DDA1: variants seen among roughly 807,000 people sequenced by gnomAD.
DDA1 encodes DET1 and DDB1 associated 1.
Under a neutral mutation model 18.6 loss-of-function variants are expected in DDA1, and 3 were observed. The ratio of observed to expected loss-of-function variants is 0.16; its 90% confidence interval spans 0.07 to 0.42. DDA1 has a LOEUF of 0.42. Among genes scored for constraint, DDA1 ranks in the 10% least tolerant of loss-of-function variants. DDA1 has a pLI of 0.99. For missense variants in DDA1, 105 were observed against 138.2 expected, an observed-to-expected ratio of 0.76 and a Z score of 1.20; for synonymous variants, 52 against 54.0, an observed-to-expected ratio of 0.96 and a Z score of 0.17.
chr19:17,313,875 A>C, intron 1 of DDA1, 148 bp from the exon 2 acceptor site: 1 of 656,104 alleles, frequency 1.5e-6, no homozygotes, highest in East Asian at 2.7e-5. Context: ...CCGACAGTGT[A>C]TCCAGCAGCC....
intron 1 of DDA1, among the ~76,000 whole-genome samples, chr19:17,310,766 A>T (rs2074175283): frequency 6.7e-6 from 1 of 149,048 alleles, no homozygotes; most frequent in South Asian, 2.2e-4. Flanking sequence ...TCTCATCCCT[A>T]CAGCCAATCA....
At chr19:17,315,733 G>A in intron 3 of DDA1, 1 of 652,502 alleles carries the variant, frequency 1.5e-6, no homozygotes, top group South Asian at 1.8e-5. Context: ...TCCCTTGCAG[G>A]GAGCCGGGAC....
At chr19:17,311,995 G>T (rs1423076528) in intron 1 of DDA1, among the ~76,000 whole-genome samples, 1 of 152,126 alleles carries the variant, frequency 6.6e-6, no homozygotes, top group Non-Finnish European at 1.5e-5. Flanking sequence ...TTTGTCCAAC[G>T]CAGACATGTT....
At chr19:17,312,370 G>A (rs1419466404) in intron 1 of DDA1, among the ~76,000 whole-genome samples, 3 of 152,084 alleles carry the variant, frequency 2.0e-5, no homozygotes, top group Admixed American at 6.6e-5. Context: ...AGAGGCTCCC[G>A]AAGTGTCGGG....
Position 17,319,571 on chromosome 19 carries a change from A to T in DDA1, c.224A>T (p.Glu75Val). ...AACGCTGCCAAGAAGAGAGACCAGG[A>T]GCAAGTGGAGCTGGAAGGCGAGAGC... Reference protein sequence around the residue: ...KKNAAKKRDQEQVELEGESSA... With the variant: ...KKNAAKKRDQVQVELEGESSA... The change falls in exon 5 of 5, where the codon GAG becomes GTG. Residue 75 changes from glutamate to valine, a missense_variant. Glu to Val is a moderately radical substitution (Grantham distance 121, BLOSUM62 -2). Coordinates refer to ENST00000359866, the MANE Select transcript of DDA1 (RefSeq NM_024050.6). 6.4e-7 allele frequency: 1 copy of T among 1,574,366 alleles called. No individual in the cohort carries two copies. The highest frequency in any genetic ancestry group is 8.6e-7 in the Non-Finnish European group (1 of 1,159,878).
intron 1 of DDA1, among the ~76,000 whole-genome samples, chr19:17,310,458 C>T (rs2074174047): frequency 6.6e-6 from 1 of 152,148 alleles, no homozygotes; most frequent in South Asian, 2.1e-4. Context: ...GGTGGTTCTT[C>T]GGGGTTCAGT....
intron 1 of DDA1, among the ~76,000 whole-genome samples, chr19:17,310,599 C>T (rs1369445920): frequency 1.3e-5 from 2 of 152,176 alleles, no homozygotes; most frequent in Non-Finnish European, 2.9e-5. Context: ...CCTCAAGTCT[C>T]CTTTGTCCCC....
At chr19:17,317,582 G>A (rs1331059976) in intron 4 of DDA1, among the ~76,000 whole-genome samples, 1 of 151,218 alleles carries the variant, frequency 6.6e-6, no homozygotes. Flanking sequence ...ATTCACACCC[G>A]GAACTGCCTG....
chr19:17,315,228 TACAC>T lies in DDA1; in HGVS notation c.137-699_137-696del, dbSNP rs779683938. ...ACACGTGTATATACACACACGTGTA[TACAC>T]ACACACGTGTATATACACACACGTG... On this transcript the variant is annotated intron_variant, in intron 3 of 4. Coordinates refer to ENST00000359866, the MANE Select transcript of DDA1 (RefSeq NM_024050.6). Among the ~76,000 whole-genome samples the T allele has an allele frequency of 2.9e-3, 104 of 35,690 alleles. 30 individuals carry two copies. The Middle Eastern group carries it at 0.045, about 16-fold the overall frequency. The allele number at this position is 35,690 out of a possible 152,430, so 23.4% of individuals were successfully genotyped here. A position where few individuals can be genotyped will look rare whatever the true frequency, so the allele number is the denominator to read the frequency against.
intron 3 of DDA1, among the ~76,000 whole-genome samples, chr19:17,315,328 TACACACGTATATATATAC>T (rs2074205286): frequency 4.0e-5 from 4 of 100,834 alleles, no homozygotes; most frequent in African/African-American, 1.9e-4. Context: ...GCTATATATA[TACACACGTATATATATAC>T]ACGCTATATA....
chr19:17,319,597 T>C lies in DDA1; in HGVS notation c.250T>C (p.Ser84Pro). 1 of 1,580,520 alleles carries C rather than the reference T, an allele frequency of 6.3e-7. No homozygotes were observed. The highest frequency in any genetic ancestry group is 2.3e-5 in the East Asian group (1 of 43,318). The change falls in exon 5 of 5, where the codon TCC becomes CCC. Residue 84 changes from serine to proline, a missense_variant. This residue lies in a region of DDA1 where 62 missense variants were observed against 55.8 expected (regional missense o/e 1.11). Coordinates refer to ENST00000359866, the MANE Select transcript of DDA1 (RefSeq NM_024050.6). ...GCAAGTGGAGCTGGAAGGCGAGAGC[T>C]CCGCACCTCCCCGCAAGGTGGCGCG... ...QEQVELEGESSAPPRKVARTD... is the reference protein window; with the variant it reads ...QEQVELEGESPAPPRKVARTD...
At chr19:17,313,064 C>T (rs2074186355) in intron 1 of DDA1, among the ~76,000 whole-genome samples, 1 of 152,182 alleles carries the variant, frequency 6.6e-6, no homozygotes, top group African/African-American at 2.4e-5. Context: ...ATAGCAGCTT[C>T]TCCCAGGGCA....
intron 4 of DDA1, among the ~76,000 whole-genome samples, chr19:17,316,773 G>A (rs1389585484): frequency 2.0e-5 from 3 of 152,120 alleles, no homozygotes; most frequent in Non-Finnish European, 4.4e-5. Context: ...AGCTTCTTGG[G>A]AGGCTGAGGC....
intron 4 of DDA1, among the ~76,000 whole-genome samples, chr19:17,318,282 CG>C (rs1381330857): frequency 6.6e-6 from 1 of 151,868 alleles, no homozygotes; most frequent in Non-Finnish European, 1.5e-5. Flanking sequence ...CCCAGACTGG[CG>C]TGCAGTGGCG....
intron 1 of DDA1, 104 bp from the exon 2 acceptor site, chr19:17,313,919 C>T (rs929820997): frequency 2.5e-5 from 23 of 938,060 alleles, no homozygotes; most frequent in Non-Finnish European, 3.9e-5. Flanking sequence ...ACTTGAACTA[C>T]AAAGAATAGT....
At chr19:17,315,788 G>T (rs1467986195) in intron 3 of DDA1, 146 bp from the exon 4 acceptor site, 4 of 780,658 alleles carry the variant, frequency 5.1e-6, no homozygotes, top group Non-Finnish European at 6.6e-6. Context: ...CTGCGAGTGT[G>T]CTCAGAAGCA....
chr19:17,317,238 G>A (rs147662849), intron 4 of DDA1, among the ~76,000 whole-genome samples: 1,709 of 152,008 alleles, frequency 0.011, 12 homozygotes, highest in Non-Finnish European at 0.018. Flanking sequence ...TACCGGGCGC[G>A]GTGGCTCATG....
chr19:17,315,883 G>A (rs372981355), intron 3 of DDA1, 51 bp from the exon 4 acceptor site: 3 of 1,568,288 alleles, frequency 1.9e-6, no homozygotes, highest in African/African-American at 1.4e-5. Context: ...TGTCAGGGGA[G>A]GAGCCTGGGG....
In DDA1 at chr19:17,315,962, C is replaced by G; in HGVS notation, c.165C>G (p.Leu55=). 1 of 1,614,178 alleles carries G rather than the reference C, an allele frequency of 6.2e-7. No individual in the cohort carries two copies. Among genetic ancestry groups the G allele is most frequent in the Non-Finnish European group, 8.5e-7 (1 of 1,180,030 alleles). The change falls in exon 4 of 5, where the codon CTC becomes CTG. Residue 55 remains leucine, a synonymous_variant. Coordinates refer to ENST00000359866, the MANE Select transcript of DDA1 (RefSeq NM_024050.6). ...TCGTGACAGAAAAGACAAACATCCT[C>G]CTGCGCTACCTGCATCAGCAATGGG... ...QIIVTEKTNI[L]LRYLHQQWDK...
Sources: gnomAD v4.1 joint callset for allele counts (sites outside exome capture counted in the v4.1 genomes callset) on GRCh38, gnomAD v4.1.1 for gene constraint, gnomAD v4.1.1 regional missense constraint, MANE v1.5 for transcripts, NCBI Gene and HGNC (gene_info 2026-07-23, HGNC 2026-07-21) for gene names.